CDK5RAP2: variants seen among roughly 807,000 people sequenced by gnomAD.
CDK5RAP2 encodes the protein CDK5 regulatory subunit-associated protein 2.
Under a neutral mutation model 232.9 loss-of-function variants are expected in CDK5RAP2, and 147 were observed. The ratio of observed to expected loss-of-function variants is 0.63; its 90% CI spans 0.55 to 0.72. The LOEUF (loss-of-function observed/expected upper bound fraction) is 0.72. Among genes scored for constraint, CDK5RAP2 ranks in the 30% least tolerant of loss-of-function variants. The pLI, the probability that CDK5RAP2 is intolerant of heterozygous loss-of-function variation, is 0.00. For synonymous variants in CDK5RAP2, 833 were observed against 833.7 expected, an observed-to-expected ratio of 1.00 and a Z score of 0.01; for missense variants, 2,195 against 2,231.5, an observed-to-expected ratio of 0.98 and a Z score of 0.33.
chr9:120,432,443 ATATT>A (rs2035338401), intron 25 of CDK5RAP2, among the ~76,000 whole-genome samples: 1 of 152,146 alleles, frequency 6.6e-6, no homozygotes, highest in African/African-American at 2.4e-5. Flanking sequence ...TTTAAAGGCT[ATATT>A]TAAATTTTTA....
intron 13 of CDK5RAP2, among the ~76,000 whole-genome samples, chr9:120,487,689 C>T (rs2038686092): frequency 6.6e-6 from 1 of 152,146 alleles, no homozygotes; most frequent in Non-Finnish European, 1.5e-5. Context: ...CGCTACAAAC[C>T]GTCCTCGCTC....
Position 120,580,146 on chromosome 9 carries a change from C to T in CDK5RAP2, c.-168G>A. ...AAACCACAGACGCCGCCATCTTTCC[C>T]GGCGCTTCTTCCTACGGAAACGAGG... On this transcript the variant is annotated 5_prime_UTR_variant, in exon 1 of 38. Transcript: ENST00000349780. The T allele has an allele frequency of 1.7e-6, 1 of 585,898 alleles. No individual in the cohort carries two copies. The highest frequency in any genetic ancestry group is 3.1e-6 in the Non-Finnish European group (1 of 323,242). 36.3% of individuals were successfully genotyped at this position (585,898 alleles called of 1,614,324 possible).
chr9:120,445,154 G>C (rs117257076), intron 22 of CDK5RAP2, among the ~76,000 whole-genome samples: 3,226 of 152,274 alleles, frequency 0.021, 53 homozygotes, highest in Non-Finnish European at 0.033. Flanking sequence ...TGACCCCAAG[G>C]ACACTGCTTC....
intron 17 of CDK5RAP2, 95 bp from the exon 18 acceptor site, chr9:120,468,092 T>G: frequency 8.1e-7 from 1 of 1,227,112 alleles, no homozygotes; most frequent in Non-Finnish European, 1.2e-6. Context: ...AGCGACTCTT[T>G]GGCACCACAG....
intron 25 of CDK5RAP2, among the ~76,000 whole-genome samples, chr9:120,435,386 A>C (rs2131464091): frequency 1.3e-5 from 2 of 152,250 alleles, no homozygotes; most frequent in Middle Eastern, 3.4e-3. Context: ...AGCGGGAAAA[A>C]CAGGAAAGAA....
chr9:120,449,104 G>A (rs1418791797), intron 21 of CDK5RAP2, among the ~76,000 whole-genome samples: 2 of 152,174 alleles, frequency 1.3e-5, no homozygotes, highest in East Asian at 3.9e-4. Context: ...CCTACAGCCT[G>A]AGTTATACCC....
At chr9:120,526,188 T>C (rs1049175128) in intron 10 of CDK5RAP2, among the ~76,000 whole-genome samples, 2 of 152,228 alleles carry the variant, frequency 1.3e-5, no homozygotes, top group African/African-American at 4.8e-5. Flanking sequence ...GAGTCCTAGA[T>C]TGACCTCTTC....
intron 23 of CDK5RAP2, among the ~76,000 whole-genome samples, chr9:120,440,576 T>A (rs982764243): frequency 6.6e-6 from 1 of 152,230 alleles, no homozygotes; most frequent in African/African-American, 2.4e-5. Context: ...TAGCACCTTA[T>A]GCATATTACT....
chr9:120,568,510 C>T, intron 2 of CDK5RAP2, 122 bp from the exon 3 acceptor site: 1 of 782,874 alleles, frequency 1.3e-6, no homozygotes, highest in Non-Finnish European at 2.3e-6. Flanking sequence ...GCGGCTGGTA[C>T]TTGCTGTCTT....
intron 15 of CDK5RAP2, among the ~76,000 whole-genome samples, chr9:120,473,256 T>C (rs191668346): frequency 7.2e-4 from 109 of 152,372 alleles, no homozygotes; most frequent in Middle Eastern, 6.8e-3. Flanking sequence ...CCTTCTTTTT[T>C]AGATACCAAG....
rs1046315820 is a variant in CDK5RAP2, at chr9:120,487,496, C to T, written c.1483-59G>A. The T allele has an allele frequency of 4.7e-6, 6 of 1,281,996 alleles. No individual in the cohort carries two copies. In the African/African-American group the frequency reaches 9.1e-5, roughly 20 times the overall value. 79.4% of individuals were successfully genotyped at this position (1,281,996 alleles called of 1,614,324 possible). A position where few individuals can be genotyped will look rare whatever the true frequency, so the allele number is the denominator to read the frequency against. ...CATCAAGAAAAAAAATATTAAGAAA[C>T]TGTCCCAAACTCCTTAAGGAAAAAT... On this transcript the variant is annotated intron_variant, in intron 13 of 37. Coordinates refer to ENST00000349780, the MANE Select transcript of CDK5RAP2 (RefSeq NM_018249.6).
intron 25 of CDK5RAP2, among the ~76,000 whole-genome samples, chr9:120,431,001 G>C (rs2035252608): frequency 1.3e-5 from 2 of 151,946 alleles, no homozygotes; most frequent in African/African-American, 4.8e-5. Flanking sequence ...TCTCAGTAAA[G>C]TATCACAAGG....
chr9:120,514,048 G>A (rs2040212911), intron 12 of CDK5RAP2, among the ~76,000 whole-genome samples: 1 of 152,222 alleles, frequency 6.6e-6, no homozygotes, highest in African/African-American at 2.4e-5. Flanking sequence ...AAACAGTCAT[G>A]TGAGATGGAC....
chr9:120,559,801 G>T (rs973025918), intron 3 of CDK5RAP2, among the ~76,000 whole-genome samples: 1 of 152,148 alleles, frequency 6.6e-6, no homozygotes, highest in Admixed American at 6.5e-5. Flanking sequence ...ACAGGGTGGT[G>T]CTTTCTGAAA....
At chr9:120,473,510 C>T (rs530857039) in intron 15 of CDK5RAP2, among the ~76,000 whole-genome samples, 3 of 152,218 alleles carry the variant, frequency 2.0e-5, no homozygotes, top group Non-Finnish European at 2.9e-5. Flanking sequence ...CTCCATCCAT[C>T]GGACTGCACA....
In CDK5RAP2 at chr9:120,536,473, C is replaced by A. The variant is rs756635555; in HGVS notation, c.561G>T (p.Thr187=). 1 of 1,614,002 alleles carries A rather than the reference C, an allele frequency of 6.2e-7. No homozygotes were observed. The highest frequency in any genetic ancestry group is 8.5e-7 in the Non-Finnish European group (1 of 1,179,996). Residue 187 remains threonine (T), a synonymous_variant, in exon 7 of 38, where the codon ACG becomes ACT. Transcript: ENST00000349780. ...CCAAACGCAACCGAAGAGCCTTCTCCGTCTCTGTCCCTGCAAAGGCCTTTT... is the reference window on the plus strand; with the variant it reads ...CCAAACGCAACCGAAGAGCCTTCTCAGTCTCTGTCCCTGCAAAGGCCTTTT... The part of the protein sequence containing the change: ...ELEKAFAGTE[T]EKALRLRLES...
intron 20 of CDK5RAP2, among the ~76,000 whole-genome samples, chr9:120,456,607 A>C (rs527548261): frequency 1.2e-3 from 181 of 152,380 alleles, no homozygotes; most frequent in African/African-American, 4.2e-3. Context: ...CCTAGACAAC[A>C]GAAACAATCT....
intron 1 of CDK5RAP2, among the ~76,000 whole-genome samples, chr9:120,574,968 G>A (rs532669033): frequency 6.6e-5 from 10 of 151,872 alleles, no homozygotes; most frequent in Admixed American, 2.0e-4. Context: ...GGGTGGCAGG[G>A]GTGTGGTGGT....
chr9:120,437,608 C>T (rs755346432), intron 24 of CDK5RAP2, 81 bp from the exon 25 acceptor site: 244 of 1,026,758 alleles, frequency 2.4e-4, no homozygotes, highest in Non-Finnish European at 3.3e-4. Flanking sequence ...GGAAAAATGA[C>T]AGAGTACAAT....
Sources: allele counts gnomAD v4.1 joint callset (sites outside exome capture counted in the v4.1 genomes callset), GRCh38; gene constraint gnomAD v4.1.1; transcripts MANE v1.5; gene names NCBI Gene and HGNC (gene_info 2026-07-23, HGNC 2026-07-21).